The following TBCEL variants were observed in gnomAD, a reference collection of about 807,000 sequenced individuals.
TBCEL encodes the protein tubulin folding cofactor E like, also known as tubulin-specific chaperone cofactor E-like protein.
TBCEL carries 15 observed loss-of-function variants against 44.2 expected under a neutral mutation model. The observed-to-expected ratio is 0.34, with a 90% CI of 0.23 to 0.52. TBCEL has a LOEUF of 0.52. Among genes scored for constraint, TBCEL ranks in the 20% least tolerant of loss-of-function variants. TBCEL has a pLI of 0.95. For synonymous variants in TBCEL, 171 were observed against 185.4 expected, an observed-to-expected ratio of 0.92 and a Z score of 0.63; for missense variants, 319 against 506.3, an observed-to-expected ratio of 0.63 and a Z score of 3.55.
At chr11:121,058,608 G>C in intron 7 of TBCEL, 137 bp downstream of exon 7, 1 of 1,075,144 alleles carries the variant, frequency 9.3e-7, no homozygotes, top group Non-Finnish European at 1.4e-6. Flanking sequence ...AGCTGCCCCT[G>C]TAGCTCCAAA....
intron 8 of TBCEL, among the ~76,000 whole-genome samples, chr11:121,062,503 G>A (rs1313496857): frequency 6.6e-6 from 1 of 152,130 alleles, no homozygotes; most frequent in Non-Finnish European, 1.5e-5. Flanking sequence ...ATGCTAAGAT[G>A]TCACAGCTGC....
chr11:121,069,196 T>C (rs1800303089), intron 8 of TBCEL, among the ~76,000 whole-genome samples: 1 of 152,204 alleles, frequency 6.6e-6, no homozygotes, highest in Non-Finnish European at 1.5e-5. Flanking sequence ...CTGTAAGCTC[T>C]ATAGGAGTAG....
intron 6 of TBCEL, among the ~76,000 whole-genome samples, chr11:121,056,792 G>A (rs941205728): frequency 6.6e-6 from 1 of 151,846 alleles, no homozygotes; most frequent in Non-Finnish European, 1.5e-5. Context: ...TGAGGTGTCT[G>A]TTCAGGTCTG....
chr11:121,053,861 G>A (rs1436724461), intron 5 of TBCEL, 129 bp downstream of exon 5: 4 of 978,944 alleles, frequency 4.1e-6, no homozygotes, highest in African/African-American at 3.3e-5. Flanking sequence ...TTAGAAAAAC[G>A]AAGTTATTGG....
At chr11:121,046,545 G>T (rs766927653) in intron 3 of TBCEL, among the ~76,000 whole-genome samples, 1 of 151,956 alleles carries the variant, frequency 6.6e-6, no homozygotes, top group African/African-American at 2.4e-5. Context: ...TTATCTCTAT[G>T]TAACCTGGAA....
rs146540306 is a variant in TBCEL at position 121,086,919 on chromosome 11, A to G, written c.1098A>G (p.Ala366=). The change falls in exon 9 of 9, where the codon GCA becomes GCG. Residue 366 remains alanine (A), a synonymous_variant. Transcript: ENST00000683345. ...EMSIRLDQTV[A]ELKKQLKTLV... ...GCATTCGTCTGGACCAAACAGTGGC[A>G]GAACTAAAGAAACAGTTAAAAACTC... 2.9e-5 allele frequency: 46 copies of G among 1,614,018 alleles called. No homozygotes were observed. Among genetic ancestry groups the G allele is most frequent in the African/African-American group, 5.3e-5 (4 of 74,944 alleles).
intron 3 of TBCEL, among the ~76,000 whole-genome samples, chr11:121,046,586 A>G (rs1245901481): frequency 6.6e-6 from 1 of 152,004 alleles, no homozygotes; most frequent in Non-Finnish European, 1.5e-5. Flanking sequence ...CTTACTTGGT[A>G]ATTTTTTTTT....
At chr11:121,034,631 T>C (rs1945199465) in intron 1 of TBCEL, among the ~76,000 whole-genome samples, 1 of 152,196 alleles carries the variant, frequency 6.6e-6, no homozygotes, top group Non-Finnish European at 1.5e-5. Context: ...TTCCAGTATA[T>C]GCTAGATACA....
chr11:121,075,786 T>A (rs1272316375), intron 8 of TBCEL, among the ~76,000 whole-genome samples: 1 of 151,980 alleles, frequency 6.6e-6, no homozygotes, highest in Non-Finnish European at 1.5e-5. Context: ...TTTTGTCATG[T>A]GAACATCATA....
rs1946245293 is a variant in TBCEL at position 121,088,168 on chromosome 11, T to C, written c.*1072T>C. The C allele has an allele frequency of 6.6e-6, 1 of 152,212 alleles. No homozygotes were observed. Among genetic ancestry groups the C allele is most frequent in the Admixed American group, 6.5e-5 (1 of 15,278 alleles). 9.4% of individuals were successfully genotyped at this position (152,212 alleles called of 1,614,324 possible). ...TGTGTCATCCATTGGAAGCCCTTGCTCTTGCACTTTGCATTAAAAGTGGGA... is the reference window on the plus strand; with the variant it reads ...TGTGTCATCCATTGGAAGCCCTTGCCCTTGCACTTTGCATTAAAAGTGGGA... On this transcript the variant is annotated 3_prime_UTR_variant, in exon 9 of 9. Coordinates refer to ENST00000683345, the MANE Select transcript of TBCEL (RefSeq NM_001363644.2).
chr11:121,063,905 C>T (rs1945770318), intron 8 of TBCEL, among the ~76,000 whole-genome samples: 1 of 152,126 alleles, frequency 6.6e-6, no homozygotes, highest in African/African-American at 2.4e-5. Flanking sequence ...ACCACTAGTC[C>T]TGGTAATACC....
chr11:121,048,190 A>G (rs1411022096), intron 4 of TBCEL, among the ~76,000 whole-genome samples: 1 of 151,856 alleles, frequency 6.6e-6, no homozygotes, highest in African/African-American at 2.4e-5. Flanking sequence ...CTTCTACTTC[A>G]ATATTTATTA....
chr11:121,087,625 C>G lies in TBCEL; in HGVS notation c.*529C>G, dbSNP rs1270806199. 1 of 152,738 alleles carries G rather than the reference C, an allele frequency of 6.5e-6. No homozygotes were observed. The highest frequency in any genetic ancestry group is 1.9e-4 in the East Asian group (1 of 5,182). 9.5% of individuals were successfully genotyped at this position (152,738 alleles called of 1,614,324 possible). A position where few individuals can be genotyped will look rare whatever the true frequency, so the allele number is the denominator to read the frequency against. On this transcript the variant is annotated 3_prime_UTR_variant, in exon 9 of 9. Coordinates refer to ENST00000683345, the MANE Select transcript of TBCEL (RefSeq NM_001363644.2). ...ATGTGGTTTACCTAATAGTTTTGTT[C>G]TGTTCATAATTCTTATTTCTCAACC...
chr11:121,066,840 C>T (rs1426307501), intron 8 of TBCEL, among the ~76,000 whole-genome samples: 1 of 152,142 alleles, frequency 6.6e-6, no homozygotes, highest in African/African-American at 2.4e-5. Flanking sequence ...TGGAATTTGA[C>T]CCTCTACATC....
chr11:121,061,790 A>C (rs552176383), intron 8 of TBCEL, among the ~76,000 whole-genome samples: 1 of 152,226 alleles, frequency 6.6e-6, no homozygotes, highest in South Asian at 2.1e-4. Flanking sequence ...GTGAGTGGTG[A>C]GTGAATGTGG....
In TBCEL at chr11:121,087,214, T is replaced by G; in HGVS notation, c.*118T>G. On this transcript the variant is annotated 3_prime_UTR_variant, in exon 9 of 9. Transcript: ENST00000683345. The stretch of plus-strand genomic sequence containing the variant: ...TTGTTTTGTTTTGTTCTGTTTAGGT[T>G]TGGGAAGGATTTTGTATATTTTTCC... 3 of 1,087,722 alleles carry G rather than the reference T, an allele frequency of 2.8e-6. No individual in the cohort carries two copies. The highest frequency in any genetic ancestry group is 2.6e-6 in the Non-Finnish European group (2 of 778,428). The allele number at this position is 1,087,722 out of a possible 1,614,324, so 67.4% of individuals were successfully genotyped here.
At chr11:121,036,475 T>C (rs1423953507) in intron 1 of TBCEL, 30 bp from the exon 2 acceptor site, 1 of 152,180 alleles carries the variant, frequency 6.6e-6, no homozygotes, top group Non-Finnish European at 1.5e-5. Context: ...GCTGAAAGTA[T>C]ATGCAAAGTG....
intron 1 of TBCEL, among the ~76,000 whole-genome samples, chr11:121,026,400 C>T (rs1465905537): frequency 3.9e-5 from 6 of 152,142 alleles, no homozygotes; most frequent in Non-Finnish European, 7.3e-5. Flanking sequence ...GTTACATAGC[C>T]TATTGCTGCA....
At chr11:121,024,715 T>C (rs1945015416) in intron 1 of TBCEL, among the ~76,000 whole-genome samples, 1 of 152,116 alleles carries the variant, frequency 6.6e-6, no homozygotes. Flanking sequence ...AGGAAACTTG[T>C]CTCTGAACTA....
Sources: allele counts gnomAD v4.1 joint callset (sites outside exome capture counted in the v4.1 genomes callset), GRCh38; gene constraint gnomAD v4.1.1; transcripts MANE v1.5; gene names NCBI Gene and HGNC (gene_info 2026-07-23, HGNC 2026-07-21).